ATP6V0A1: variants seen among roughly 807,000 people sequenced by gnomAD.
ATP6V0A1 encodes the protein ATPase H+ transporting V0 subunit a1.
ATP6V0A1 carries 43 observed loss-of-function variants against 105.4 expected under a neutral mutation model. That is an observed-to-expected ratio of 0.41 (90% confidence interval 0.32 to 0.53). The LOEUF is 0.53. Ranked by LOEUF, ATP6V0A1 falls within the 20% of genes least tolerant of loss-of-function variation. The pLI is 0.30. For synonymous variants in ATP6V0A1, 362 were observed against 372.8 expected, an observed-to-expected ratio of 0.97 and a Z score of 0.33; for missense variants, 676 against 1,051.1, an observed-to-expected ratio of 0.64 and a Z score of 4.93.
At chr17:42,468,153 G>A (rs373950400) in intron 4 of ATP6V0A1, 46 bp downstream of exon 4, 23 of 1,340,080 alleles carry the variant, frequency 1.7e-5, no homozygotes, top group Admixed American at 4.3e-5. Context: ...CTACTTGAAC[G>A]CAGAAATTAC....
intron 9 of ATP6V0A1, among the ~76,000 whole-genome samples, chr17:42,483,821 A>G (rs1192262889): frequency 6.6e-6 from 1 of 152,056 alleles, no homozygotes; most frequent in East Asian, 1.9e-4. Context: ...ACCTCAAGTG[A>G]TCCTCCCACC....
chr17:42,476,971 T>C (rs902580978), intron 5 of ATP6V0A1, among the ~76,000 whole-genome samples: 3 of 152,204 alleles, frequency 2.0e-5, no homozygotes, highest in Non-Finnish European at 2.9e-5. Context: ...TTTGAAGACA[T>C]AAATACTCTT....
chr17:42,507,094 A>G (rs1334851484), intron 17 of ATP6V0A1, among the ~76,000 whole-genome samples: 1 of 152,238 alleles, frequency 6.6e-6, no homozygotes, highest in Non-Finnish European at 1.5e-5. Flanking sequence ...TCACAATGTC[A>G]CTTGGCCCCC....
intron 12 of ATP6V0A1, 170 bp from the exon 13 acceptor site, chr17:42,494,864 G>A: frequency 1.5e-6 from 1 of 663,170 alleles, no homozygotes; most frequent in Non-Finnish European, 2.4e-6. Context: ...GCCACATCCT[G>A]TGAAAGTGAC....
At chr17:42,469,320 A>T (rs1161442678) in intron 4 of ATP6V0A1, among the ~76,000 whole-genome samples, 2 of 150,402 alleles carry the variant, frequency 1.3e-5, no homozygotes, top group South Asian at 2.1e-4. Context: ...TAGAAAGGAA[A>T]GACTTTTTTT....
intron 4 of ATP6V0A1, among the ~76,000 whole-genome samples, chr17:42,468,678 C>T (rs938078039): frequency 3.3e-5 from 5 of 152,130 alleles, no homozygotes; most frequent in African/African-American, 1.2e-4. Context: ...ATAATGACCT[C>T]CAGTTCTATC....
chr17:42,467,231 C>T (rs906392608), intron 3 of ATP6V0A1, among the ~76,000 whole-genome samples: 1 of 151,822 alleles, frequency 6.6e-6, no homozygotes, highest in African/African-American at 2.4e-5. Context: ...TATTCATTCT[C>T]CACAACATTC....
Position 42,499,052 on chromosome 17 carries a change from TC to T in ATP6V0A1, c.1679+12del, listed in dbSNP as rs1567852443. 6.5e-7 allele frequency: 1 copy of T among 1,545,008 alleles called. No homozygotes were observed. The highest frequency in any genetic ancestry group is 1.7e-5 in the Admixed American group (1 of 58,420). The stretch of plus-strand genomic sequence containing the variant: ...GTCTGTTCAACCATATGTGAGTTGT[TC>T]CATTTCTGTCATAAGAATGTGCATA... On this transcript the variant is annotated intron_variant, in intron 15 of 21. Transcript: ENST00000343619.
In ATP6V0A1 at chr17:42,513,079, T is replaced by C. The variant is rs149372877; in HGVS notation, c.2131-782T>C. Among the ~76,000 whole-genome samples the C allele has an allele frequency of 5.4e-3, 825 of 152,300 alleles. 10 individuals carry two copies. Among genetic ancestry groups the C allele is most frequent in the African/African-American group, 0.018 (746 of 41,548 alleles). On this transcript the variant is annotated intron_variant, in intron 19 of 21. Coordinates refer to ENST00000343619, the MANE Select transcript of ATP6V0A1 (RefSeq NM_001130021.3). The stretch of plus-strand genomic sequence containing the variant: ...GAGCTTGTTCCAGCCCATTCCTTTA[T>C]TCTGGAAATAATTCTTGGTATTGAA...
At chr17:42,480,559 C>G in intron 7 of ATP6V0A1, 108 bp from the exon 8 acceptor site, 2 of 977,612 alleles carry the variant, frequency 2.0e-6, no homozygotes, top group South Asian at 1.8e-5. Flanking sequence ...ACTGCCATGT[C>G]CTTAAAAGAT....
intron 3 of ATP6V0A1, among the ~76,000 whole-genome samples, chr17:42,467,288 T>C (rs1454443633): frequency 6.6e-6 from 1 of 152,210 alleles, no homozygotes; most frequent in East Asian, 1.9e-4. Flanking sequence ...AAACTAAAGA[T>C]TAGAGAGGCT....
At chr17:42,515,859 T>G (rs1194610328) in intron 21 of ATP6V0A1, among the ~76,000 whole-genome samples, 1 of 152,218 alleles carries the variant, frequency 6.6e-6, no homozygotes, top group Non-Finnish European at 1.5e-5. Context: ...ATTTCCCAAA[T>G]GTGCATGGGA....
At chr17:42,474,089 G>A (rs1302614010) in intron 5 of ATP6V0A1, among the ~76,000 whole-genome samples, 9 of 151,154 alleles carry the variant, frequency 6.0e-5, no homozygotes, top group African/African-American at 2.2e-4. Flanking sequence ...TGCAACTGCC[G>A]CCTCCCGGGT....
chr17:42,509,342 T>C (rs1186520913), intron 19 of ATP6V0A1, among the ~76,000 whole-genome samples: 1 of 152,168 alleles, frequency 6.6e-6, no homozygotes, highest in Non-Finnish European at 1.5e-5. Context: ...CTCTTTAAAC[T>C]GGGTTTTTAA....
At chr17:42,498,846 A>G (rs2091424141) in intron 14 of ATP6V0A1, 78 bp from the exon 15 acceptor site, 2 of 997,090 alleles carry the variant, frequency 2.0e-6, no homozygotes, top group Non-Finnish European at 3.1e-6. Flanking sequence ...ATAAATAAAA[A>G]TTGTTTTTTA....
intron 19 of ATP6V0A1, among the ~76,000 whole-genome samples, chr17:42,512,342 T>G (rs2092383637): frequency 6.6e-6 from 1 of 152,168 alleles, no homozygotes; most frequent in Non-Finnish European, 1.5e-5. Context: ...CTGAAGGGAT[T>G]GGCTGTAAGG....
At chr17:42,459,525 A>AGAGATATTCTTGG (rs1490052115) in intron 1 of ATP6V0A1, among the ~76,000 whole-genome samples, 4 of 152,348 alleles carry the variant, frequency 2.6e-5, no homozygotes, top group Admixed American at 6.5e-5. Context: ...CCATTGCTAT[A>AGAGATATTCTTGG]GAGATATTCT....
At chr17:42,499,299 C>T (rs1333802253) in intron 15 of ATP6V0A1, among the ~76,000 whole-genome samples, 4 of 151,976 alleles carry the variant, frequency 2.6e-5, no homozygotes, top group African/African-American at 9.7e-5. Flanking sequence ...GATGAAACCC[C>T]GTCTCTACTA....
chr17:42,510,772 G>A (rs895504971), intron 19 of ATP6V0A1: 1 of 152,232 alleles, frequency 6.6e-6, no homozygotes, highest in Non-Finnish European at 1.5e-5. Context: ...GTGTTGTAGG[G>A]TATATTGGGT....
Sources: allele counts gnomAD v4.1 joint callset (sites outside exome capture counted in the v4.1 genomes callset), GRCh38; gene constraint gnomAD v4.1.1; transcripts MANE v1.5; gene names NCBI Gene and HGNC (gene_info 2026-07-23, HGNC 2026-07-21).